Variants in ANKRD45 observed in about 807,000 individuals in gnomAD.
ANKRD45 encodes ankyrin repeat domain-containing protein 45.
Under a neutral mutation model 28.1 loss-of-function variants are expected in ANKRD45, and 21 were observed. The ratio of observed to expected loss-of-function variants is 0.75; its 90% CI spans 0.53 to 1.08. ANKRD45 has a LOEUF of 1.08. ANKRD45 is among the 50% of genes least tolerant of loss of function. The probability of loss-of-function intolerance (pLI) is 0.00; values close to 1 mark genes in which losing one functional copy is unlikely to be tolerated. For synonymous variants in ANKRD45, 86 were observed against 103.9 expected, an observed-to-expected ratio of 0.83 and a Z score of 1.05; for missense variants, 261 against 308.7, an observed-to-expected ratio of 0.85 and a Z score of 1.16.
the ANKRD45 span, among the ~76,000 whole-genome samples, chr1:173,702,126 A>T: frequency 6.6e-6 from 1 of 152,186 alleles, no homozygotes; most frequent in Non-Finnish European, 1.5e-5. Context: ...ATTGGAAAAG[A>T]TCAGACAGCA....
At chr1:173,708,345 A>C in the ANKRD45 span, among the ~76,000 whole-genome samples, 1 of 152,224 alleles carries the variant, frequency 6.6e-6, no homozygotes, top group African/African-American at 2.4e-5. Context: ...GAATGGGATT[A>C]GCTCCCTTAT....
In ANKRD45 at chr1:173,637,181, G is replaced by A. The variant is rs1000269357; in HGVS notation, c.496+9665C>T. The A allele has an allele frequency of 9.9e-6, 6 of 608,460 alleles. No homozygotes were observed. In the African/African-American group the frequency reaches 1.1e-4, roughly 11 times the overall value. 37.7% of individuals were successfully genotyped at this position (608,460 alleles called of 1,614,324 possible). A position where few individuals can be genotyped will look rare whatever the true frequency, so the allele number is the denominator to read the frequency against. ...AAAATTTTCCAAAGAAGCCTGGGTT[G>A]AAATGTTACTTCCCATTCAATTAAA... On this transcript the variant is annotated intron_variant, in intron 3 of 5. Coordinates refer to ENST00000333279, the MANE Select transcript of ANKRD45 (RefSeq NM_198493.3).
intron 3 of ANKRD45, among the ~76,000 whole-genome samples, chr1:173,642,568 C>G (rs1668748282): frequency 6.6e-6 from 1 of 152,206 alleles, no homozygotes; most frequent in African/African-American, 2.4e-5. Context: ...TGCTAATATT[C>G]TTAAATTCTG....
chr1:173,659,273 T>C lies in ANKRD45; in HGVS notation c.146A>G (p.Glu49Gly). ...LLQPALTGDV[E>G]GLQKIFEDPE... Reference sequence around the variant, plus strand: ...ATCCTCAAATATCTTCTGCAAACCCTCTACATCCCCTGTGAGAGCAGGTTG... The same window carrying C: ...ATCCTCAAATATCTTCTGCAAACCCCCTACATCCCCTGTGAGAGCAGGTTG... The change falls in exon 2 of 6, where the codon GAG (glutamate) becomes GGG (glycine). Residue 49 changes from glutamate (E) to glycine (G), a missense_variant. Transcript: ENST00000333279. The C allele has an allele frequency of 6.2e-7, 1 of 1,614,056 alleles. No homozygotes were observed. The highest frequency in any genetic ancestry group is 8.5e-7 in the Non-Finnish European group (1 of 1,180,002).
the ANKRD45 span, among the ~76,000 whole-genome samples, chr1:173,694,346 G>A: frequency 6.6e-6 from 1 of 151,868 alleles, no homozygotes; most frequent in African/African-American, 2.4e-5. Flanking sequence ...TGTAGTTTTA[G>A]TAGAGACAGG....
intron 2 of ANKRD45, among the ~76,000 whole-genome samples, chr1:173,656,928 G>A (rs1193309967): frequency 6.7e-6 from 1 of 150,284 alleles, no homozygotes; most frequent in African/African-American, 2.4e-5. Context: ...GCTCATGCCT[G>A]TAATCCCAGC....
upstream of ANKRD45, among the ~76,000 whole-genome samples, chr1:173,671,575 A>G (rs1430200626): frequency 6.6e-6 from 1 of 152,122 alleles, no homozygotes; most frequent in Non-Finnish European, 1.5e-5. Flanking sequence ...GTATGCCACC[A>G]TATAAAACCC....
chr1:173,640,967 T>C (rs527511021), intron 3 of ANKRD45, among the ~76,000 whole-genome samples: 174 of 152,290 alleles, frequency 1.1e-3, no homozygotes, highest in African/African-American at 4.0e-3. Flanking sequence ...GATTCTAAAC[T>C]TGCCCTTGTT....
chr1:173,688,722 CTCTT>C, the ANKRD45 span, among the ~76,000 whole-genome samples: 382 of 138,006 alleles, frequency 2.8e-3, 4 homozygotes, highest in South Asian at 8.0e-3. Flanking sequence ...TTTCCTCTCT[CTCTT>C]TCTGCCTCTT....
At chr1:173,670,099 C>T (rs536966309), upstream of ANKRD45, among the ~76,000 whole-genome samples, 1 of 152,030 alleles carries the variant, frequency 6.6e-6, no homozygotes, top group East Asian at 1.9e-4. Context: ...GGCTTTTAAA[C>T]GAAAGAATTT....
At chr1:173,682,684 T>TATACAC in the ANKRD45 span, among the ~76,000 whole-genome samples, 4 of 143,940 alleles carry the variant, frequency 2.8e-5, no homozygotes, top group African/African-American at 1.0e-4. Context: ...GCCTTTTAAA[T>TATACAC]ACACACACAC....
chr1:173,655,069 T>C (rs1250762094), intron 2 of ANKRD45, among the ~76,000 whole-genome samples: 2 of 152,102 alleles, frequency 1.3e-5, no homozygotes, highest in Admixed American at 1.3e-4. Flanking sequence ...GAGAAGTTTG[T>C]TTTTACTGAC....
chr1:173,672,921 T>A (rs764335295), upstream of ANKRD45, among the ~76,000 whole-genome samples: 8 of 152,114 alleles, frequency 5.3e-5, no homozygotes, highest in Non-Finnish European at 1.2e-4. Flanking sequence ...GATAAGACAG[T>A]GAAGGCCTGG....
chr1:173,615,000 G>A (rs1032153814), intron 5 of ANKRD45, among the ~76,000 whole-genome samples: 7 of 151,894 alleles, frequency 4.6e-5, no homozygotes, highest in Non-Finnish European at 1.5e-5. Context: ...TGTATTTTTA[G>A]TAGAGACAAG....
At chr1:173,621,643 G>A (rs1360348350) in intron 5 of ANKRD45, among the ~76,000 whole-genome samples, 4 of 152,068 alleles carry the variant, frequency 2.6e-5, no homozygotes, top group African/African-American at 7.2e-5. Context: ...ACTAAGTATT[G>A]AAGGAACATA....
At chr1:173,680,822 C>T in the ANKRD45 span, among the ~76,000 whole-genome samples, 1 of 151,932 alleles carries the variant, frequency 6.6e-6, no homozygotes, top group African/African-American at 2.4e-5. Context: ...TTTGCAGGGA[C>T]ATGCATGAAG....
chr1:173,704,596 T>C, the ANKRD45 span, among the ~76,000 whole-genome samples: 1 of 152,232 alleles, frequency 6.6e-6, no homozygotes, highest in Non-Finnish European at 1.5e-5. Context: ...CACCAGAAGA[T>C]ACAGTTCAGC....
chr1:173,705,810 C>T, the ANKRD45 span, among the ~76,000 whole-genome samples: 3 of 152,104 alleles, frequency 2.0e-5, no homozygotes, highest in Admixed American at 2.0e-4. Flanking sequence ...TCTCTCCTTT[C>T]CCCTGTAGGT....
intron 2 of ANKRD45, chr1:173,658,223 C>A: frequency 5.0e-6 from 1 of 200,120 alleles, no homozygotes. Flanking sequence ...ACTCAGGAAG[C>A]TAAGGTGTGA....
Sources: allele counts gnomAD v4.1 joint callset (sites outside exome capture counted in the v4.1 genomes callset), GRCh38; gene constraint gnomAD v4.1.1; transcripts MANE v1.5; gene names NCBI Gene and HGNC (gene_info 2026-07-23, HGNC 2026-07-21).